CNTN5: variants seen among roughly 807,000 people sequenced by gnomAD.
CNTN5 encodes contactin-5.
A neutral mutation model predicts 129.1 loss-of-function variants in CNTN5; 77 were observed. The ratio of observed to expected loss-of-function variants is 0.60; its 90% CI spans 0.50 to 0.72. CNTN5 has a LOEUF of 0.72. Ranked by LOEUF, CNTN5 falls within the 30% of genes least tolerant of loss-of-function variation. The pLI, the probability that CNTN5 is intolerant of heterozygous loss-of-function variation, is 0.00. For synonymous variants in CNTN5, 509 were observed against 465.6 expected, an observed-to-expected ratio of 1.09 and a Z score of -1.20; for missense variants, 1,478 against 1,328.8, an observed-to-expected ratio of 1.11 and a Z score of -1.75.
At chr11:100,323,644 C>A (rs199922540) in intron 21 of CNTN5, among the ~76,000 whole-genome samples, 6 of 151,894 alleles carry the variant, frequency 4.0e-5, no homozygotes, top group South Asian at 2.1e-4. Flanking sequence ...CCTCCCCCCC[C>A]CTTCTTTTCA....
chr11:99,219,774 G>T (rs183472888), intron 1 of CNTN5, among the ~76,000 whole-genome samples: 1 of 151,996 alleles, frequency 6.6e-6, no homozygotes, highest in Admixed American at 6.6e-5. Flanking sequence ...GAGGGTAGAG[G>T]GTATGGGGAA....
chr11:99,281,895 T>C (rs2135890746), intron 1 of CNTN5, among the ~76,000 whole-genome samples: 1 of 152,164 alleles, frequency 6.6e-6, no homozygotes, highest in East Asian at 1.9e-4. Context: ...TCATTTAAAG[T>C]AGGACGTTGG....
At chr11:99,549,296 C>A (rs1591262235) in intron 2 of CNTN5, among the ~76,000 whole-genome samples, 1 of 151,968 alleles carries the variant, frequency 6.6e-6, no homozygotes, top group African/African-American at 2.4e-5. Context: ...ATAGTTTAGA[C>A]CTGAAAATTC....
At chr11:99,144,640 T>C (rs1472162456) in intron 1 of CNTN5, among the ~76,000 whole-genome samples, 1 of 152,212 alleles carries the variant, frequency 6.6e-6, no homozygotes, top group Non-Finnish European at 1.5e-5. Context: ...TTAATCTGAC[T>C]ACGTTATTTC....
At chr11:99,200,641 C>A (rs1859123029) in intron 1 of CNTN5, among the ~76,000 whole-genome samples, 1 of 152,168 alleles carries the variant, frequency 6.6e-6, no homozygotes, top group Admixed American at 6.5e-5. Flanking sequence ...CTTAAAGGAA[C>A]CTGCTTAGCC....
At chr11:99,777,471 C>T (rs1945164505) in intron 3 of CNTN5, among the ~76,000 whole-genome samples, 1 of 151,848 alleles carries the variant, frequency 6.6e-6, no homozygotes. Context: ...CACAATGTCT[C>T]AATTTCAAAA....
At chr11:100,168,258 A>G (rs1947707057) in intron 13 of CNTN5, among the ~76,000 whole-genome samples, 1 of 151,982 alleles carries the variant, frequency 6.6e-6, no homozygotes, top group South Asian at 2.1e-4. Context: ...TGGCTACACT[A>G]AACAGTAGAT....
At chr11:100,124,535 A>G (rs567099820) in intron 13 of CNTN5, among the ~76,000 whole-genome samples, 2 of 152,138 alleles carry the variant, frequency 1.3e-5, no homozygotes, top group East Asian at 1.9e-4. Context: ...AAAGAGATAC[A>G]TGACAAGACC....
chr11:99,949,038 C>A (rs1950614568), intron 7 of CNTN5, among the ~76,000 whole-genome samples: 1 of 152,188 alleles, frequency 6.6e-6, no homozygotes, highest in African/African-American at 2.4e-5. Flanking sequence ...TGTTTGAGAA[C>A]CCCAAGTGGG....
chr11:99,269,189 C>T (rs755277036), intron 1 of CNTN5, among the ~76,000 whole-genome samples: 1 of 151,890 alleles, frequency 6.6e-6, no homozygotes, highest in African/African-American at 2.4e-5. Flanking sequence ...GCTAGAGACT[C>T]GTTAAGTGCC....
chr11:100,064,654 T>G (rs895769859), intron 10 of CNTN5, among the ~76,000 whole-genome samples: 1 of 152,154 alleles, frequency 6.6e-6, no homozygotes, highest in Non-Finnish European at 1.5e-5. Flanking sequence ...GTCATTTCTT[T>G]GGCTATTTCT....
At position 100,271,210 on chromosome 11, in the gene CNTN5, C is replaced by T; in HGVS notation, c.2283C>T (p.Thr761=). ...CTATTGGGACAGGAGATCCAAGCAC[C>T]CCATCTCGAATGATCCGCACAAATG... ...TNPIGTGDPS[T]PSRMIRTNEA... is the part of the protein sequence containing the mutation. Residue 761 remains threonine, a synonymous_variant, in exon 18 of 25, where the codon ACC becomes ACT. Coordinates refer to ENST00000524871, the MANE Select transcript of CNTN5 (RefSeq NM_014361.4). 6.2e-7 allele frequency: 1 copy of T among 1,610,692 alleles called. No individual in the cohort carries two copies. Among genetic ancestry groups the T allele is most frequent in the African/African-American group, 1.3e-5 (1 of 74,820 alleles).
intron 1 of CNTN5, among the ~76,000 whole-genome samples, chr11:99,267,046 G>T (rs1008945602): frequency 1.3e-5 from 2 of 151,920 alleles, no homozygotes; most frequent in African/African-American, 2.4e-5. Flanking sequence ...TAAAAAAAAA[G>T]GTTGGGAGTA....
intron 1 of CNTN5, among the ~76,000 whole-genome samples, chr11:99,288,501 A>G (rs771635663): frequency 2.6e-5 from 4 of 151,924 alleles, no homozygotes; most frequent in Non-Finnish European, 5.9e-5. Context: ...CTGTCCAATG[A>G]TGTAATTGAT....
intron 3 of CNTN5, among the ~76,000 whole-genome samples, chr11:99,676,921 C>G (rs1215516536): frequency 1.3e-5 from 2 of 152,050 alleles, no homozygotes; most frequent in South Asian, 2.1e-4. Flanking sequence ...TAAAGCTTTC[C>G]CCTAACATGC....
At chr11:99,785,560 G>A (rs374762744) in intron 3 of CNTN5, among the ~76,000 whole-genome samples, 7 of 151,984 alleles carry the variant, frequency 4.6e-5, no homozygotes, top group Non-Finnish European at 7.4e-5. Context: ...ATTTCAGGCC[G>A]ATATTCCTGA....
chr11:100,308,791 C>T, intron 21 of CNTN5: 1 of 995,546 alleles, frequency 1.0e-6, no homozygotes, highest in Non-Finnish European at 1.2e-6. Flanking sequence ...TTGTGTCTTC[C>T]TTTCTAATAA....
chr11:99,107,449 ATATTT>A (rs1867050147), intron 1 of CNTN5, among the ~76,000 whole-genome samples: 2 of 152,134 alleles, frequency 1.3e-5, no homozygotes. Flanking sequence ...TTTACATTAC[ATATTT>A]TAGTTTAGTC....
At chr11:99,736,621 G>A (rs943035063) in intron 3 of CNTN5, among the ~76,000 whole-genome samples, 1 of 152,138 alleles carries the variant, frequency 6.6e-6, no homozygotes, top group African/African-American at 2.4e-5. Context: ...CTTGTTTCAA[G>A]CTCAGGAAAC....
Sources: allele counts gnomAD v4.1 joint callset (sites outside exome capture counted in the v4.1 genomes callset), GRCh38; gene constraint gnomAD v4.1.1; transcripts MANE v1.5; gene names NCBI Gene and HGNC (gene_info 2026-07-23, HGNC 2026-07-21).